Variants in HDAC4 observed in about 807,000 individuals in gnomAD.
The protein encoded by HDAC4 is histone deacetylase 4, also known as histone deacetylase A.
In HDAC4, 16 loss-of-function variants were observed where a neutral mutation model predicts 135.1. The ratio of observed to expected loss-of-function variants is 0.12; its 90% CI spans 0.08 to 0.18. The LOEUF (loss-of-function observed/expected upper bound fraction) is 0.18, where lower values mean the gene tolerates loss of function less well. Ranked by LOEUF, HDAC4 falls within the 10% of genes least tolerant of loss-of-function variation. The pLI is 1.00. For synonymous variants in HDAC4, 685 were observed against 653.4 expected (o/e 1.05, Z -0.74); for missense variants, 1,143 against 1,511.8 (o/e 0.76, Z 4.05).
intron 11 of HDAC4, among the ~76,000 whole-genome samples, chr2:239,129,409 G>A (rs778764136): frequency 3.5e-4 from 53 of 152,200 alleles, no homozygotes; most frequent in Non-Finnish European, 6.0e-4. Flanking sequence ...TTCTGTGGTC[G>A]GTGACCCAGC....
At chr2:239,142,608 CGCCCTGCCACGCATGGCTCCTGGGTG>C (rs2041462308) in intron 8 of HDAC4, among the ~76,000 whole-genome samples, 1 of 146,688 alleles carries the variant, frequency 6.8e-6, no homozygotes, top group African/African-American at 2.8e-5. Context: ...GCACTGATCA[CGCCCTGCCACGCATGGCTCCTGGGTG>C]AGCTCAGCAC....
intron 13 of HDAC4, among the ~76,000 whole-genome samples, chr2:239,114,238 G>A (rs1229067102): frequency 2.0e-5 from 3 of 152,198 alleles, no homozygotes; most frequent in African/African-American, 7.2e-5. Context: ...CTGGGGAGGT[G>A]CTCAACGGCA....
At chr2:239,387,272 A>C (rs1575795174) in intron 1 of HDAC4, among the ~76,000 whole-genome samples, 1 of 152,342 alleles carries the variant, frequency 6.6e-6, no homozygotes, top group African/African-American at 2.4e-5. Context: ...CACAAGCACC[A>C]GAATGGCTGC....
At chr2:239,292,074 G>T (rs1389208596) in intron 2 of HDAC4, among the ~76,000 whole-genome samples, 7 of 152,168 alleles carry the variant, frequency 4.6e-5, no homozygotes, top group Non-Finnish European at 1.0e-4. Context: ...ACCAGGGGCT[G>T]CGCGCACAGC....
At chr2:239,277,817 C>A (rs1235387354) in intron 2 of HDAC4, among the ~76,000 whole-genome samples, 1 of 152,190 alleles carries the variant, frequency 6.6e-6, no homozygotes, top group Non-Finnish European at 1.5e-5. Flanking sequence ...AGGCCTGAAG[C>A]AGTTCCTACT....
intron 7 of HDAC4, among the ~76,000 whole-genome samples, chr2:239,150,605 C>T (rs1001834007): frequency 6.4e-5 from 9 of 140,506 alleles, no homozygotes; most frequent in East Asian, 2.1e-4. Context: ...GAAGTCTCAC[C>T]GCGCTGCACC....
At chr2:239,291,889 A>G (rs1299631443) in intron 2 of HDAC4, among the ~76,000 whole-genome samples, 3 of 152,220 alleles carry the variant, frequency 2.0e-5, no homozygotes, top group Non-Finnish European at 4.4e-5. Context: ...TTGCATGAAA[A>G]TAGAACCTTT....
At chr2:239,053,205 CGTGG>C in intron 26 of HDAC4, 69 bp from the exon 27 acceptor site, 1 of 1,592,414 alleles carries the variant, frequency 6.3e-7, no homozygotes, top group Non-Finnish European at 8.6e-7. Context: ...GAGAACAGAA[CGTGG>C]GTTAAAGGCT....
At chr2:239,301,696 T>C (rs948910432) in intron 2 of HDAC4, among the ~76,000 whole-genome samples, 2 of 152,032 alleles carry the variant, frequency 1.3e-5, no homozygotes, top group Non-Finnish European at 2.9e-5. Context: ...GTTGTCCAGA[T>C]TGGTCTCAAA....
rs1298117928 is a variant in HDAC4, at chr2:239,313,104, C to T, written c.22+39574G>A. The stretch of plus-strand genomic sequence containing the variant: ...GCTTCACTCAGGCTTGGGCTCTGTC[C>T]CGTGCCTCCCCGGGGGCGTTCCGAG... On this transcript the variant is annotated intron_variant, in intron 2 of 26. Transcript: ENST00000543185. The surrounding 1 kb of genome is among the most constrained non-coding windows in gnomAD (Gnocchi z 5.1). Among the ~76,000 whole-genome samples, 1 of 152,166 alleles carries T rather than the reference C, an allele frequency of 6.6e-6. No individual in the cohort carries two copies. Among genetic ancestry groups the T allele is most frequent in the African/African-American group, 2.4e-5 (1 of 41,432 alleles).
chr2:239,099,009 G>A (rs2152752212), intron 16 of HDAC4, among the ~76,000 whole-genome samples: 1 of 152,350 alleles, frequency 6.6e-6, no homozygotes, highest in South Asian at 2.1e-4. Context: ...TGCCTTCGGA[G>A]AACAGGAATG....
chr2:239,196,116 G>T (rs1296678367), intron 3 of HDAC4, among the ~76,000 whole-genome samples: 3 of 151,912 alleles, frequency 2.0e-5, no homozygotes. Flanking sequence ...ATGTAACCAT[G>T]ATTTCCTCTT....
At chr2:239,070,686 C>T (rs748835956) in intron 22 of HDAC4, among the ~76,000 whole-genome samples, 10 of 152,198 alleles carry the variant, frequency 6.6e-5, no homozygotes, top group Non-Finnish European at 1.3e-4. Flanking sequence ...TGTCTTCCTG[C>T]AATGACGGCC....
At chr2:239,096,770 C>A (rs547498557) in intron 16 of HDAC4, among the ~76,000 whole-genome samples, 78 of 150,410 alleles carry the variant, frequency 5.2e-4, no homozygotes, top group Non-Finnish European at 7.5e-4. Context: ...CACAGACACC[C>A]ACATGTCCCA....
At chr2:239,274,537 A>G (rs1298679582) in intron 2 of HDAC4, among the ~76,000 whole-genome samples, 1 of 152,238 alleles carries the variant, frequency 6.6e-6, no homozygotes, top group Non-Finnish European at 1.5e-5. Flanking sequence ...GACAACAGCT[A>G]CCATTCAACA....
intron 4 of HDAC4, among the ~76,000 whole-genome samples, chr2:239,187,516 C>T (rs892117481): frequency 2.0e-5 from 3 of 152,232 alleles, no homozygotes; most frequent in Admixed American, 1.3e-4. Flanking sequence ...GGACCCGCGC[C>T]TTCTGCCTGG....
intron 2 of HDAC4, among the ~76,000 whole-genome samples, chr2:239,248,964 C>A (rs2048624344): frequency 6.6e-6 from 1 of 152,262 alleles, no homozygotes; most frequent in East Asian, 1.9e-4. Flanking sequence ...GCACCCCAAA[C>A]TTCCACTGCT....
Position 239,126,580 on chromosome 2 carries a change from G to A in HDAC4, c.1409C>T (p.Thr470Ile), listed in dbSNP as rs2152851689. ...KLRQHRPLGR[T>I]QSAPLPQNAQ... ...GTTCTGGGGCAGCGGGGCCGACTGG[G>A]TCCGCCCCAGTGGGCGGTGCTGCCG... Residue 470 changes from threonine to isoleucine, a missense_variant, in exon 12 of 27, where the codon ACC becomes ATC. Physicochemically the swap from Thr to Ile is moderately conservative, Grantham distance 89 (BLOSUM62 -1). Transcript: ENST00000543185. The A allele has an allele frequency of 6.2e-7, 1 of 1,613,924 alleles. No individual in the cohort carries two copies. Among genetic ancestry groups the A allele is most frequent in the Non-Finnish European group, 8.5e-7 (1 of 1,179,992 alleles).
rs56105562 is a variant in HDAC4 at position 239,230,368 on chromosome 2, C to CAAA, written c.94+6222_94+6224dup. On this transcript the variant is annotated intron_variant, in intron 3 of 26. Coordinates refer to ENST00000543185, the MANE Select transcript of HDAC4 (RefSeq NM_001378414.1). ...TAAAAATTAAAACAAAGCAAGCAAG[C>CAAA]AAAAAAAAAAAAAAAAAAAAAAGCA... 4.8e-3 allele frequency among the ~76,000 whole-genome samples: 381 copies of CAAA among 79,034 alleles called. 6 individuals are homozygous for CAAA. Among genetic ancestry groups the CAAA allele is most frequent in the Middle Eastern group, 0.013 (1 of 76 alleles). 51.8% of individuals were successfully genotyped at this position (79,034 alleles called of 152,430 possible). A position where few individuals can be genotyped will look rare whatever the true frequency, so the allele number is the denominator to read the frequency against.
Sources: allele counts gnomAD v4.1 joint callset (sites outside exome capture counted in the v4.1 genomes callset), GRCh38; gene constraint gnomAD v4.1.1; non-coding constraint Gnocchi (gnomAD v3.1); transcripts MANE v1.5; gene names NCBI Gene and HGNC (gene_info 2026-07-23, HGNC 2026-07-21).